Variants in NDUFA6 observed in about 807,000 individuals in gnomAD.
NDUFA6 encodes NADH dehydrogenase [ubiquinone] 1 alpha subcomplex subunit 6.
Under a neutral mutation model 12.5 loss-of-function variants are expected in NDUFA6, and 10 were observed. The ratio of observed to expected loss-of-function variants is 0.80; its 90% CI spans 0.49 to 1.35. NDUFA6 has a LOEUF of 1.35. Ranked by LOEUF, NDUFA6 falls within the 40% of genes most tolerant of loss-of-function variation. The probability of loss-of-function intolerance (pLI) is 0.00; values close to 1 mark genes in which losing one functional copy is unlikely to be tolerated. For missense variants in NDUFA6, 177 were observed against 173.5 expected, an observed-to-expected ratio of 1.02 and a Z score of -0.11; for synonymous variants, 66 against 63.0, an observed-to-expected ratio of 1.05 and a Z score of -0.23.
chr22:42,085,987 C>T lies in NDUFA6; in HGVS notation c.*196G>A, dbSNP rs1440723029. ...AGGCTCTGAGAAAAATAATTCAATCCAATTTACAGCAAACACCACATTTCA... is the reference window on the plus strand; with the variant it reads ...AGGCTCTGAGAAAAATAATTCAATCTAATTTACAGCAAACACCACATTTCA... On this transcript the variant is annotated 3_prime_UTR_variant, in exon 3 of 3. Transcript: ENST00000498737. The T allele has an allele frequency of 2.9e-6, 2 of 689,920 alleles. No homozygotes were observed. Among genetic ancestry groups the T allele is most frequent in the East Asian group, 2.7e-5 (1 of 37,106 alleles). The allele number at this position is 689,920 out of a possible 1,614,324, so 42.7% of individuals were successfully genotyped here. A position where few individuals can be genotyped will look rare whatever the true frequency, so the allele number is the denominator to read the frequency against.
intron 1 of NDUFA6, among the ~76,000 whole-genome samples, chr22:42,088,194 T>G (rs1602519968): frequency 7.9e-6 from 1 of 125,876 alleles, no homozygotes; most frequent in Non-Finnish European, 1.6e-5. Context: ...GATCATGAGG[T>G]CAGGAGATCG....
At position 42,086,283 on chromosome 22, in the gene NDUFA6, A is replaced by T; in HGVS notation, c.287T>A (p.Val96Glu). The T allele has an allele frequency of 6.2e-7, 1 of 1,614,178 alleles. No individual in the cohort carries two copies. ...CATAACATGTGTCCGCTGCTTCCAT[A>T]CTTTAATTGTTTCTTCCAGTTCGAT... is the stretch of plus-strand genomic sequence containing the variant. ...GKIELEETIK[V>E]WKQRTHVMRF... The change falls in exon 3 of 3, where the codon GTA becomes GAA. Residue 96 changes from valine (V) to glutamate (E), a missense_variant. By Grantham distance (121) the Val-to-Glu change is moderately radical. Around this residue, in one of 3 missense-constraint regions of NDUFA6, gnomAD observed 62 missense variants for 69.4 expected, o/e 0.89. Coordinates refer to ENST00000498737, the MANE Select transcript of NDUFA6 (RefSeq NM_002490.6).
chr22:42,087,897 C>T (rs1928363762), intron 1 of NDUFA6, among the ~76,000 whole-genome samples: 1 of 146,084 alleles, frequency 6.8e-6, no homozygotes, highest in African/African-American at 2.5e-5. Flanking sequence ...CACCTGAGGT[C>T]AGGAGTTCAA....
chr22:42,090,339 C>G (rs1928557536), intron 1 of NDUFA6, among the ~76,000 whole-genome samples: 2 of 152,272 alleles, frequency 1.3e-5, no homozygotes, highest in Non-Finnish European at 1.5e-5. Flanking sequence ...GTGTCACTGA[C>G]AGTCATCGTC....
chr22:42,086,296 C>G lies in NDUFA6; in HGVS notation c.274G>C (p.Glu92Gln), dbSNP rs1482604156. ...LVIKGKIELE[E>Q]TIKVWKQRTH... ...CGCTGCTTCCATACTTTAATTGTTT[C>G]TTCCAGTTCGATCTTTCCCTGAACA... Residue 92 changes from glutamate to glutamine, a missense_variant, in exon 3 of 3, where the codon GAA (glutamate) becomes CAA (glutamine). Glu to Gln is a conservative substitution (Grantham distance 29). This residue lies in a region of NDUFA6 where 62 missense variants were observed against 69.4 expected (regional missense o/e 0.89). Transcript: ENST00000498737. 1 of 1,614,228 alleles carries G rather than the reference C, an allele frequency of 6.2e-7. No homozygotes were observed. Among genetic ancestry groups the G allele is most frequent in the Non-Finnish European group, 8.5e-7 (1 of 1,180,036 alleles).
intron 1 of NDUFA6, among the ~76,000 whole-genome samples, 185 bp downstream of exon 1, chr22:42,090,421 C>G (rs564901499): frequency 1.3e-5 from 2 of 152,380 alleles, no homozygotes; most frequent in Admixed American, 1.3e-4. Context: ...CACGGCCGGT[C>G]TGACCACCGC....
intron 1 of NDUFA6, 57 bp from the exon 2 acceptor site, chr22:42,087,232 T>C (rs1928313443): frequency 7.8e-7 from 1 of 1,281,638 alleles, no homozygotes; most frequent in East Asian, 2.3e-5. Context: ...AAACCTAGAG[T>C]CAAATGATAC....
chr22:42,086,015 A>C lies in NDUFA6; in HGVS notation c.*168T>G. On this transcript the variant is annotated 3_prime_UTR_variant, in exon 3 of 3. Transcript: ENST00000498737. ...TTTACAGCAAACACCACATTTCAAG[A>C]AAAGGGAAAGAACAGGTGATGTGTA... The C allele has an allele frequency of 1.2e-6, 1 of 825,448 alleles. No individual in the cohort carries two copies. Among genetic ancestry groups the C allele is most frequent in the Non-Finnish European group, 2.0e-6 (1 of 498,718 alleles). 51.1% of individuals were successfully genotyped at this position (825,448 alleles called of 1,614,324 possible). A position where few individuals can be genotyped will look rare whatever the true frequency, so the allele number is the denominator to read the frequency against.
chr22:42,086,082 A>T lies in NDUFA6; in HGVS notation c.*101T>A. 3.2e-6 allele frequency: 5 copies of T among 1,558,454 alleles called. No individual in the cohort carries two copies. Among genetic ancestry groups the T allele is most frequent in the Non-Finnish European group, 4.4e-6 (5 of 1,131,736 alleles). ...GCTCAGGCAAAAAGAGGCTGCAGAAAATTGGTTCATCAATGGAATTCTATC... is the reference window on the plus strand; with the variant it reads ...GCTCAGGCAAAAAGAGGCTGCAGAATATTGGTTCATCAATGGAATTCTATC... On this transcript the variant is annotated 3_prime_UTR_variant, in exon 3 of 3. Transcript: ENST00000498737.
chr22:42,087,193 A>G lies in NDUFA6; in HGVS notation c.140-18T>C. On this transcript the variant is annotated intron_variant, in intron 1 of 2. Coordinates refer to ENST00000498737, the MANE Select transcript of NDUFA6 (RefSeq NM_002490.6). ...TTGGTGCACTAGAGAGAAAAACATG[A>G]CTCAGGGTAGAAATTGTATGGTTAA... The G allele has an allele frequency of 6.5e-7, 1 of 1,544,326 alleles. No individual in the cohort carries two copies. Among genetic ancestry groups the G allele is most frequent in the Non-Finnish European group, 9.0e-7 (1 of 1,116,516 alleles).
At position 42,086,273 on chromosome 22, in the gene NDUFA6, C is replaced by T; in HGVS notation, c.297G>A (p.Gln99=). The T allele has an allele frequency of 6.2e-7, 1 of 1,614,236 alleles. No individual in the cohort carries two copies. Among genetic ancestry groups the T allele is most frequent in the Non-Finnish European group, 8.5e-7 (1 of 1,180,036 alleles). ...GGAAGAACCGCATAACATGTGTCCG[C>T]TGCTTCCATACTTTAATTGTTTCTT... is the stretch of plus-strand genomic sequence containing the variant. ...ELEETIKVWK[Q]RTHVMRFFHE... The change falls in exon 3 of 3, where the codon CAG becomes CAA. Residue 99 remains glutamine, a synonymous_variant. Transcript: ENST00000498737.
chr22:42,089,619 A>C (rs1039919827), intron 1 of NDUFA6: 1 of 152,116 alleles, frequency 6.6e-6, no homozygotes, highest in South Asian at 2.1e-4. Context: ...AAATAACAAC[A>C]AAAACAACGG....
Position 42,087,905 on chromosome 22 carries a change from C to T in NDUFA6, c.140-730G>A, listed in dbSNP as rs539754493. On this transcript the variant is annotated intron_variant, in intron 1 of 2. Coordinates refer to ENST00000498737, the MANE Select transcript of NDUFA6 (RefSeq NM_002490.6). ...GGTGGATCACCTGAGGTCAGGAGTT[C>T]AAGACCAGCCTGGCCAACATGGTGA... Among the ~76,000 whole-genome samples, 362 of 145,656 alleles carry T rather than the reference C, an allele frequency of 2.5e-3. 1 individual carries two copies. Among genetic ancestry groups the T allele is most frequent in the African/African-American group, 9.0e-3 (352 of 39,194 alleles).
chr22:42,087,965 G>A lies in NDUFA6; in HGVS notation c.140-790C>T, dbSNP rs543913880. Among the ~76,000 whole-genome samples the A allele has an allele frequency of 6.0e-5, 9 of 149,760 alleles. No individual in the cohort carries two copies. In the South Asian group the frequency reaches 6.4e-4, roughly 11 times the overall value. On this transcript the variant is annotated intron_variant, in intron 1 of 2. Coordinates refer to ENST00000498737, the MANE Select transcript of NDUFA6 (RefSeq NM_002490.6). ...TCCACTAAAAATACAAACATGAGCC[G>A]GGCATGGTGGTGGGTGCCTGTAATC...
At chr22:42,086,961 C>G in intron 2 of NDUFA6, 99 bp downstream of exon 2, 1 of 874,770 alleles carries the variant, frequency 1.1e-6, no homozygotes, top group Non-Finnish European at 2.0e-6. Context: ...GAACCAGTAG[C>G]TGCTTTCTAA....
rs1397250834 is a variant in NDUFA6, at chr22:42,087,080, C to T, written c.235G>A (p.Val79Ile). ...GTTACCTTAATGACCAGAAGATCAA[C>T]CACCCTGGGGTCTGTGACATGGGCA... is the stretch of plus-strand genomic sequence containing the variant. ...KNAHVTDPRV[V>I]DLLVIKGKIE... The change falls in exon 2 of 3, where the codon GTT (valine) becomes ATT (isoleucine). Residue 79 changes from valine (V) to isoleucine (I), a missense_variant. This residue lies in a region of NDUFA6 where 62 missense variants were observed against 69.4 expected (regional missense o/e 0.89). Transcript: ENST00000498737. The T allele has an allele frequency of 1.2e-6, 2 of 1,613,754 alleles. No homozygotes were observed. Among genetic ancestry groups the T allele is most frequent in the Non-Finnish European group, 1.7e-6 (2 of 1,179,756 alleles).
At position 42,087,125 on chromosome 22, in the gene NDUFA6, G is replaced by A. The variant is rs969146834; in HGVS notation, c.190C>T (p.Arg64Ter). 3.7e-6 allele frequency: 6 copies of A among 1,613,980 alleles called. No homozygotes were observed. Among genetic ancestry groups the A allele is most frequent in the Middle Eastern group, 1.6e-4 (1 of 6,084 alleles). ...TGGGCATTCTTCATAAACATTTCTC[G>A]GACTTTATCCCGTCCCATTTTCACA... The part of the protein sequence containing the change: ...ITVKMGRDKV[R>*]EMFMKNAHVT... The change falls in exon 2 of 3, where the codon CGA becomes TGA. Residue 64 changes from arginine to a stop codon, truncating the protein, a stop_gained. Transcript: ENST00000498737. LOFTEE classifies it high-confidence loss of function.
rs1366521197 is a variant in NDUFA6, at chr22:42,087,051, G to A, written c.255+9C>T. 1 of 1,580,510 alleles carries A rather than the reference G, an allele frequency of 6.3e-7. No homozygotes were observed. The highest frequency in any genetic ancestry group is 2.2e-5 in the East Asian group (1 of 44,748). On this transcript the variant is annotated intron_variant, in intron 2 of 2. Coordinates refer to ENST00000498737, the MANE Select transcript of NDUFA6 (RefSeq NM_002490.6). The stretch of plus-strand genomic sequence containing the variant: ...TGATCTTTTAAATTGGTCAGGGAGG[G>A]TCAGTTACCTTAATGACCAGAAGAT...
intron 2 of NDUFA6, among the ~76,000 whole-genome samples, chr22:42,086,586 C>G (rs560084992): frequency 6.6e-6 from 1 of 152,340 alleles, no homozygotes; most frequent in African/African-American, 2.4e-5. Flanking sequence ...GACTACCTAA[C>G]CTGACTGGCT....
Sources: gnomAD v4.1 joint callset for allele counts (sites outside exome capture counted in the v4.1 genomes callset) on GRCh38, gnomAD v4.1.1 for gene constraint, gnomAD v4.1.1 regional missense constraint, MANE v1.5 for transcripts, NCBI Gene and HGNC (gene_info 2026-07-23, HGNC 2026-07-21) for gene names.